The following DNER variants were observed in gnomAD, a reference collection of about 807,000 sequenced individuals.
DNER encodes the protein delta and Notch-like epidermal growth factor-related receptor.
Under a neutral mutation model 78.2 loss-of-function variants are expected in DNER, and 33 were observed. The observed-to-expected ratio is 0.42, with a 90% confidence interval of 0.32 to 0.56. The LOEUF (loss-of-function observed/expected upper bound fraction) is 0.56. Ranked by LOEUF, DNER falls within the 20% of genes least tolerant of loss-of-function variation. The pLI is 0.11. For synonymous variants in DNER, 417 were observed against 384.8 expected (o/e 1.08, Z -0.98); for missense variants, 918 against 975.3 (o/e 0.94, Z 0.78).
intron 1 of DNER, among the ~76,000 whole-genome samples, chr2:229,638,250 TAAAAG>T (rs1460169879): frequency 6.6e-6 from 1 of 152,160 alleles, no homozygotes; most frequent in Non-Finnish European, 1.5e-5. Flanking sequence ...ATAAAGAACT[TAAAAG>T]AACCAACCAT....
chr2:229,396,571 G>A (rs142296989), intron 10 of DNER, among the ~76,000 whole-genome samples: 1 of 152,296 alleles, frequency 6.6e-6, no homozygotes, highest in East Asian at 1.9e-4. Flanking sequence ...CATCTGTGCT[G>A]TACTCAGTTG....
chr2:229,518,288 A>G (rs1696020755), intron 5 of DNER, among the ~76,000 whole-genome samples: 1 of 152,222 alleles, frequency 6.6e-6, no homozygotes, highest in Non-Finnish European at 1.5e-5. Flanking sequence ...CATTCATTCA[A>G]CACACGTTTT....
At chr2:229,624,540 C>G (rs1210958677) in intron 1 of DNER, among the ~76,000 whole-genome samples, 1 of 151,692 alleles carries the variant, frequency 6.6e-6, no homozygotes, top group African/African-American at 2.4e-5. Flanking sequence ...ACTTTCCAAA[C>G]TTTTCTCCAA....
intron 7 of DNER, among the ~76,000 whole-genome samples, chr2:229,465,313 A>G (rs1338596933): frequency 6.6e-6 from 1 of 152,212 alleles, no homozygotes; most frequent in Non-Finnish European, 1.5e-5. Flanking sequence ...CATTGTCTTC[A>G]GCAAACTAAT....
At chr2:229,669,054 G>A (rs964197088) in intron 1 of DNER, among the ~76,000 whole-genome samples, 1 of 152,118 alleles carries the variant, frequency 6.6e-6, no homozygotes, top group Non-Finnish European at 1.5e-5. Flanking sequence ...AAAAGGATGA[G>A]TTCATGTCCT....
chr2:229,555,986 ATT>A (rs1405973782), intron 4 of DNER, among the ~76,000 whole-genome samples: 1 of 152,252 alleles, frequency 6.6e-6, no homozygotes, highest in Non-Finnish European at 1.5e-5. Flanking sequence ...TAAACTATTT[ATT>A]AAGATCTATA....
At position 229,391,033 on chromosome 2, in the gene DNER, G is replaced by A. The variant is rs779625376; in HGVS notation, c.1724-2637C>T. Among the ~76,000 whole-genome samples, 33 of 152,164 alleles carry A rather than the reference G, an allele frequency of 2.2e-4. 1 individual carries two copies. Among genetic ancestry groups the A allele is most frequent in the Admixed American group, 1.3e-3 (20 of 15,282 alleles). On this transcript the variant is annotated intron_variant, in intron 10 of 12. Coordinates refer to ENST00000341772, the MANE Select transcript of DNER (RefSeq NM_139072.4). ...ATGCTGGCTGGCAATAGGAGCATGAGGTGACTCAAATGATGGAGCCCCTCA... is the reference window on the plus strand; with the variant it reads ...ATGCTGGCTGGCAATAGGAGCATGAAGTGACTCAAATGATGGAGCCCCTCA...
rs138158021 is a variant in DNER, at chr2:229,579,102, C to T, written c.847+6756G>A. On this transcript the variant is annotated intron_variant, in intron 4 of 12. Transcript: ENST00000341772. ...ATTTCTAGCACTATTATGAAATGAT[C>T]TTAAATAGCACAGACTACTGTGCCA... Among the ~76,000 whole-genome samples, 99 of 152,296 alleles carry T rather than the reference C, an allele frequency of 6.5e-4. 1 individual carries two copies. The highest frequency in any genetic ancestry group is 2.4e-3 in the African/African-American group (98 of 41,566).
intron 1 of DNER, among the ~76,000 whole-genome samples, chr2:229,649,849 C>T (rs1309415375): frequency 1.5e-4 from 23 of 152,022 alleles, no homozygotes; most frequent in Middle Eastern, 3.4e-3. Flanking sequence ...CTGAGGCGGG[C>T]GGATCACGAG....
intron 5 of DNER, among the ~76,000 whole-genome samples, chr2:229,515,170 T>G (rs1192647941): frequency 6.6e-6 from 1 of 152,170 alleles, no homozygotes; most frequent in Non-Finnish European, 1.5e-5. Context: ...ATGTTTTGAG[T>G]TTTTTCCTTT....
chr2:229,603,225 TAGAAG>T (rs1456426189), intron 1 of DNER, among the ~76,000 whole-genome samples: 1 of 151,956 alleles, frequency 6.6e-6, no homozygotes, highest in Non-Finnish European at 1.5e-5. Context: ...AAAAAGATAA[TAGAAG>T]AGAATATCTG....
chr2:229,672,736 T>C lies in DNER; in HGVS notation c.276+41412A>G, dbSNP rs554156887. ...TCTTCCAACCTAGCCTCTGAAGTCATGTCACAGCACTGTCACCACATTCTC... is the reference window on the plus strand; with the variant it reads ...TCTTCCAACCTAGCCTCTGAAGTCACGTCACAGCACTGTCACCACATTCTC... On this transcript the variant is annotated intron_variant, in intron 1 of 12. Coordinates refer to ENST00000341772, the MANE Select transcript of DNER (RefSeq NM_139072.4). Among the ~76,000 whole-genome samples the C allele has an allele frequency of 5.9e-5, 9 of 152,164 alleles. No homozygotes were observed. In the East Asian group the frequency reaches 1.7e-3, roughly 30 times the overall value.
chr2:229,499,367 C>T (rs920592012), intron 6 of DNER, among the ~76,000 whole-genome samples: 1 of 150,154 alleles, frequency 6.7e-6, no homozygotes, highest in African/African-American at 2.4e-5. Flanking sequence ...ATCGCTTGAA[C>T]CCAGGAAGCA....
intron 4 of DNER, among the ~76,000 whole-genome samples, chr2:229,551,127 T>C (rs928090850): frequency 6.6e-6 from 1 of 152,256 alleles, no homozygotes; most frequent in Admixed American, 6.5e-5. Context: ...ACAGACTTCC[T>C]ACATTGTTTC....
intron 10 of DNER, among the ~76,000 whole-genome samples, chr2:229,396,957 T>C (rs1033316760): frequency 2.6e-5 from 4 of 152,198 alleles, no homozygotes; most frequent in Non-Finnish European, 5.9e-5. Context: ...TGCCATTTTG[T>C]AGGTAGGTAT....
Position 229,562,832 on chromosome 2 carries a change from A to G in DNER, c.848-15740T>C, listed in dbSNP as rs148364977. ...TCAGAATAGTTTTTAGGAAAGTGCA[A>G]GCATTATGTAAGGACACTATAAATC... On this transcript the variant is annotated intron_variant, in intron 4 of 12. Coordinates refer to ENST00000341772, the MANE Select transcript of DNER (RefSeq NM_139072.4). Among the ~76,000 whole-genome samples the G allele has an allele frequency of 6.6e-5, 10 of 152,146 alleles. No homozygotes were observed. In the East Asian group the frequency reaches 1.9e-3, roughly 29 times the overall value.
chr2:229,442,359 C>CA (rs1307794973), intron 8 of DNER, among the ~76,000 whole-genome samples: 10 of 152,016 alleles, frequency 6.6e-5, no homozygotes, highest in East Asian at 5.8e-4. Flanking sequence ...ACTAAAAATA[C>CA]AAAAAATTAG....
At chr2:229,523,094 G>C (rs915409565) in intron 5 of DNER, among the ~76,000 whole-genome samples, 11 of 152,182 alleles carry the variant, frequency 7.2e-5, no homozygotes, top group African/African-American at 2.7e-4. Context: ...GATGAGGGGA[G>C]CATGATGCAC....
At chr2:229,700,032 A>G (rs1699718484) in intron 1 of DNER, among the ~76,000 whole-genome samples, 1 of 152,170 alleles carries the variant, frequency 6.6e-6, no homozygotes, top group Admixed American at 6.5e-5. Context: ...TGTACAACCC[A>G]AAAGAAAATT....
Sources: allele counts gnomAD v4.1 joint callset (sites outside exome capture counted in the v4.1 genomes callset), GRCh38; gene constraint gnomAD v4.1.1; transcripts MANE v1.5; gene names NCBI Gene and HGNC (gene_info 2026-07-23, HGNC 2026-07-21).